Variants in HS6ST3 observed in about 807,000 individuals in gnomAD.
The protein encoded by HS6ST3 is heparan sulfate 6-O-sulfotransferase 3.
A neutral mutation model predicts 36.7 loss-of-function variants in HS6ST3; 12 were observed. The ratio of observed to expected loss-of-function variants is 0.33; its 90% CI spans 0.21 to 0.53. The LOEUF (loss-of-function observed/expected upper bound fraction) is 0.53. Ranked by LOEUF, HS6ST3 falls within the 20% of genes least tolerant of loss-of-function variation. The pLI, the probability that HS6ST3 is intolerant of heterozygous loss-of-function variation, is 0.95. For missense variants in HS6ST3, 584 were observed against 640.9 expected (o/e 0.91, Z 0.96); for synonymous variants, 240 against 257.5 (o/e 0.93, Z 0.65).
At chr13:96,690,033 A>G (rs1315913597) in intron 1 of HS6ST3, among the ~76,000 whole-genome samples, 1 of 152,114 alleles carries the variant, frequency 6.6e-6, no homozygotes, top group Non-Finnish European at 1.5e-5. Flanking sequence ...TAGATGCTGG[A>G]ACAGAAATCC....
At chr13:96,303,220 A>G (rs138864714) in intron 1 of HS6ST3, among the ~76,000 whole-genome samples, 129 of 152,344 alleles carry the variant, frequency 8.5e-4, no homozygotes, top group African/African-American at 3.0e-3. Flanking sequence ...CTAAAGGTCT[A>G]TATTTTAATA....
intron 1 of HS6ST3, among the ~76,000 whole-genome samples, chr13:96,187,415 C>T (rs961218136): frequency 6.6e-5 from 10 of 152,138 alleles, no homozygotes; most frequent in Non-Finnish European, 1.2e-4. Flanking sequence ...AGGCATTATT[C>T]TCATTTTACA....
At chr13:96,406,554 T>C (rs2055479539) in intron 1 of HS6ST3, among the ~76,000 whole-genome samples, 1 of 152,222 alleles carries the variant, frequency 6.6e-6, no homozygotes, top group African/African-American at 2.4e-5. Context: ...CAGGGAGCTG[T>C]TCAGCTTAGA....
At chr13:96,433,111 T>G (rs1302547454) in intron 1 of HS6ST3, among the ~76,000 whole-genome samples, 3 of 152,220 alleles carry the variant, frequency 2.0e-5, no homozygotes, top group African/African-American at 4.8e-5. Context: ...CTCTGTGTTC[T>G]TTGTTTTTTG....
chr13:96,826,731 G>A (rs190792006), intron 1 of HS6ST3, among the ~76,000 whole-genome samples: 44 of 152,286 alleles, frequency 2.9e-4, no homozygotes, highest in African/African-American at 9.4e-4. Flanking sequence ...TTTTTAACGT[G>A]ATCGCCTTAC....
intron 1 of HS6ST3, among the ~76,000 whole-genome samples, chr13:96,365,537 G>T (rs528301085): frequency 6.6e-6 from 1 of 152,146 alleles, no homozygotes; most frequent in South Asian, 2.1e-4. Context: ...AAAAGTAAAA[G>T]ATTAATAATA....
intron 1 of HS6ST3, among the ~76,000 whole-genome samples, chr13:96,661,386 T>C (rs1222701079): frequency 6.6e-6 from 1 of 152,164 alleles, no homozygotes; most frequent in Non-Finnish European, 1.5e-5. Context: ...TATTGTCTTT[T>C]TTTTAACAGT....
chr13:96,167,575 C>G (rs1215115197), intron 1 of HS6ST3, among the ~76,000 whole-genome samples: 1 of 152,152 alleles, frequency 6.6e-6, no homozygotes, highest in Non-Finnish European at 1.5e-5. Context: ...CATTATCTGT[C>G]AGGCCACTGG....
intron 1 of HS6ST3, among the ~76,000 whole-genome samples, chr13:96,291,445 A>G (rs1232870429): frequency 6.6e-6 from 1 of 152,154 alleles, no homozygotes; most frequent in Non-Finnish European, 1.5e-5. Context: ...AGGAACTGCC[A>G]TGTTCTTGAA....
chr13:96,094,426 T>C (rs1387289124), intron 1 of HS6ST3, among the ~76,000 whole-genome samples: 1 of 152,146 alleles, frequency 6.6e-6, no homozygotes, highest in East Asian at 1.9e-4. Flanking sequence ...TATAAATGGG[T>C]CACCTTACAG....
chr13:96,363,119 A>G (rs1159009622), intron 1 of HS6ST3, among the ~76,000 whole-genome samples: 1 of 152,066 alleles, frequency 6.6e-6, no homozygotes, highest in African/African-American at 2.4e-5. Flanking sequence ...ATCGAATTGC[A>G]TAGGACTGCA....
chr13:96,107,852 CTTTAA>C (rs2053848924), intron 1 of HS6ST3, among the ~76,000 whole-genome samples: 1 of 152,172 alleles, frequency 6.6e-6, no homozygotes, highest in Admixed American at 6.5e-5. Context: ...CTATGCCTGT[CTTTAA>C]TTTAATCTCT....
At chr13:96,421,148 A>T (rs1423848343) in intron 1 of HS6ST3, among the ~76,000 whole-genome samples, 2 of 152,218 alleles carry the variant, frequency 1.3e-5, no homozygotes, top group Non-Finnish European at 2.9e-5. Flanking sequence ...CATCAATATT[A>T]ACAAATGATA....
At chr13:96,370,740 T>A (rs1479535240) in intron 1 of HS6ST3, among the ~76,000 whole-genome samples, 1 of 152,024 alleles carries the variant, frequency 6.6e-6, no homozygotes, top group African/African-American at 2.4e-5. Context: ...GGCGAAACTC[T>A]GTCTCTACTA....
In HS6ST3 at chr13:96,566,442, A is replaced by G. The variant is rs575559034; in HGVS notation, c.708-266048A>G. 2.0e-5 allele frequency among the ~76,000 whole-genome samples: 3 copies of G among 152,256 alleles called. No individual in the cohort carries two copies. In the East Asian group the frequency reaches 5.8e-4, roughly 29 times the overall value. Reference sequence around the variant, plus strand: ...CCAGAAAAGCTCTTTTTCAAGCAAAAGAGTAAACATAAGACATTTTGTTCA... The same window carrying G: ...CCAGAAAAGCTCTTTTTCAAGCAAAGGAGTAAACATAAGACATTTTGTTCA... On this transcript the variant is annotated intron_variant, in intron 1 of 1. Coordinates refer to ENST00000376705, the MANE Select transcript of HS6ST3 (RefSeq NM_153456.4).
At chr13:96,512,798 T>A (rs1335498713) in intron 1 of HS6ST3, among the ~76,000 whole-genome samples, 1 of 152,158 alleles carries the variant, frequency 6.6e-6, no homozygotes, top group Non-Finnish European at 1.5e-5. Context: ...ATTGTTTTTT[T>A]TCTGTGGGTA....
chr13:96,228,293 G>T (rs1055454809), intron 1 of HS6ST3, among the ~76,000 whole-genome samples: 1 of 152,110 alleles, frequency 6.6e-6, no homozygotes, highest in Admixed American at 6.6e-5. Flanking sequence ...GAGTCTTCCT[G>T]TGTCACTCAG....
intron 1 of HS6ST3, among the ~76,000 whole-genome samples, chr13:96,803,121 A>G (rs181497244): frequency 6.6e-6 from 1 of 152,288 alleles, no homozygotes; most frequent in Admixed American, 6.5e-5. Flanking sequence ...GGAGTTACCC[A>G]TGGGATACAA....
At chr13:96,522,868 G>A (rs1002072968) in intron 1 of HS6ST3, among the ~76,000 whole-genome samples, 5 of 152,086 alleles carry the variant, frequency 3.3e-5, no homozygotes, top group Non-Finnish European at 5.9e-5. Flanking sequence ...TACATTTAAG[G>A]TTAATATTGT....
Sources: allele counts gnomAD v4.1 joint callset (sites outside exome capture counted in the v4.1 genomes callset), GRCh38; gene constraint gnomAD v4.1.1; transcripts MANE v1.5; gene names NCBI Gene and HGNC (gene_info 2026-07-23, HGNC 2026-07-21).